Variants in CHIC2 observed in about 807,000 individuals in gnomAD.
CHIC2 encodes the protein cysteine-rich hydrophobic domain-containing protein 2.
Under a neutral mutation model 25.9 loss-of-function variants are expected in CHIC2, and 14 were observed. The ratio of observed to expected loss-of-function variants is 0.54; its 90% confidence interval spans 0.36 to 0.85. The LOEUF (loss-of-function observed/expected upper bound fraction) is 0.85, where lower values mean the gene tolerates loss of function less well. Among genes scored for constraint, CHIC2 ranks in the 40% least tolerant of loss-of-function variants. CHIC2 has a pLI of 0.01. For missense variants in CHIC2, 146 were observed against 202.0 expected (o/e 0.72, Z 1.68); for synonymous variants, 70 against 72.0 (o/e 0.97, Z 0.14).
At chr4:54,012,126 T>A (rs1439878137) in intron 5 of CHIC2, among the ~76,000 whole-genome samples, 1 of 152,020 alleles carries the variant, frequency 6.6e-6, no homozygotes, top group Admixed American at 6.6e-5. Flanking sequence ...TATTATTATT[T>A]TTTTTAAAGA....
upstream of CHIC2, among the ~76,000 whole-genome samples, chr4:54,067,898 T>C (rs1218082731): frequency 6.6e-6 from 1 of 151,312 alleles, no homozygotes; most frequent in Non-Finnish European, 1.5e-5. Context: ...AGATCGTGCA[T>C]GTACTATGGA....
the CHIC2 span, among the ~76,000 whole-genome samples, chr4:54,077,321 T>G: frequency 2.0e-5 from 3 of 152,214 alleles, no homozygotes; most frequent in Non-Finnish European, 4.4e-5. Context: ...TGGATTATGT[T>G]CTCAGCACCG....
At chr4:54,030,734 C>A (rs1716205031) in intron 3 of CHIC2, among the ~76,000 whole-genome samples, 1 of 144,966 alleles carries the variant, frequency 6.9e-6, no homozygotes, top group African/African-American at 2.6e-5. Flanking sequence ...ATGGCACGAT[C>A]TCGGCTCACT....
chr4:54,064,089 C>T lies in CHIC2; in HGVS notation c.119+93G>A. 1 of 1,113,004 alleles carries T rather than the reference C, an allele frequency of 9.0e-7. No individual in the cohort carries two copies. Among genetic ancestry groups the T allele is most frequent in the Non-Finnish European group, 1.3e-6 (1 of 770,280 alleles). 68.9% of individuals were successfully genotyped at this position (1,113,004 alleles called of 1,614,324 possible). A position where few individuals can be genotyped will look rare whatever the true frequency, so the allele number is the denominator to read the frequency against. Reference sequence around the variant, plus strand: ...GCCTACTCTTTCGGAAGGCCCCCGACACCAGACGGACACAGGGGAAACGGG... The same window carrying T: ...GCCTACTCTTTCGGAAGGCCCCCGATACCAGACGGACACAGGGGAAACGGG... On this transcript the variant is annotated intron_variant, in intron 1 of 5. Transcript: ENST00000263921. The surrounding 1 kb of genome is among the most constrained non-coding windows in gnomAD (Gnocchi z 4.2).
At chr4:54,068,262 G>C (rs909974418), upstream of CHIC2, among the ~76,000 whole-genome samples, 5 of 152,072 alleles carry the variant, frequency 3.3e-5, no homozygotes, top group African/African-American at 1.2e-4. Flanking sequence ...AGCCCTCAAG[G>C]TGATGGTATT....
upstream of CHIC2, among the ~76,000 whole-genome samples, chr4:54,066,690 A>G (rs1717527949): frequency 6.7e-6 from 1 of 149,628 alleles, no homozygotes; most frequent in Non-Finnish European, 1.5e-5. Context: ...CAGTGGCACC[A>G]TCATAGCTCA....
chr4:54,084,911 G>A, the CHIC2 span, among the ~76,000 whole-genome samples: 1 of 143,502 alleles, frequency 7.0e-6, no homozygotes, highest in Non-Finnish European at 1.5e-5. Context: ...AATGAGCCAA[G>A]GTTTCACCAC....
At chr4:54,085,887 C>A in the CHIC2 span, among the ~76,000 whole-genome samples, 2 of 151,960 alleles carry the variant, frequency 1.3e-5, no homozygotes, top group African/African-American at 4.8e-5. Context: ...AAGTCTAAAT[C>A]CAGGATCTGA....
chr4:54,043,855 T>A (rs1250720398), intron 3 of CHIC2, among the ~76,000 whole-genome samples: 4 of 152,136 alleles, frequency 2.6e-5, no homozygotes, highest in Non-Finnish European at 5.9e-5. Context: ...AGGCACAGAC[T>A]GGCAAACTGG....
At position 54,038,063 on chromosome 4, in the gene CHIC2, GA is replaced by G. The variant is rs774251747; in HGVS notation, c.330+10891del. Among the ~76,000 whole-genome samples the G allele has an allele frequency of 8.5e-5, 13 of 152,076 alleles. No homozygotes were observed. In the East Asian group the frequency reaches 1.7e-3, roughly 20 times the overall value. On this transcript the variant is annotated intron_variant, in intron 3 of 5. Coordinates refer to ENST00000263921, the MANE Select transcript of CHIC2 (RefSeq NM_012110.4). ...GAAGTGAAAACAGAAAAACAACACA[GA>G]AAATCAAGAATAAAGCAAGGAGTTT...
chr4:54,029,990 T>C (rs1002363618), intron 3 of CHIC2, among the ~76,000 whole-genome samples: 2 of 152,140 alleles, frequency 1.3e-5, no homozygotes, highest in African/African-American at 4.8e-5. Flanking sequence ...GTCACAATTA[T>C]TGGATAACTA....
chr4:54,043,799 A>G (rs562806631), intron 3 of CHIC2, among the ~76,000 whole-genome samples: 1 of 152,332 alleles, frequency 6.6e-6, no homozygotes, highest in Admixed American at 6.5e-5. Context: ...ATTCACACAT[A>G]ACAATAATAA....
intron 1 of CHIC2, among the ~76,000 whole-genome samples, chr4:54,058,313 A>G (rs2110092557): frequency 6.6e-6 from 1 of 152,300 alleles, no homozygotes; most frequent in African/African-American, 2.4e-5. Flanking sequence ...TCTCTTTCGC[A>G]GATGAAAAAA....
chr4:54,071,319 G>C, the CHIC2 span, among the ~76,000 whole-genome samples: 1 of 152,210 alleles, frequency 6.6e-6, no homozygotes, highest in African/African-American at 2.4e-5. Flanking sequence ...TGGATTTTTA[G>C]ATTAGGGATA....
At chr4:54,070,410 G>T in the CHIC2 span, among the ~76,000 whole-genome samples, 219 of 77,912 alleles carry the variant, frequency 2.8e-3, 1 homozygote, top group East Asian at 0.025. Context: ...ATTTATTTAT[G>T]TATTTATGTA....
chr4:54,034,887 C>T (rs1716337517), intron 3 of CHIC2, among the ~76,000 whole-genome samples: 2 of 152,112 alleles, frequency 1.3e-5, no homozygotes, highest in South Asian at 2.1e-4. Flanking sequence ...TGTAGATGTC[C>T]TTTATCAGCT....
At chr4:54,029,045 C>T (rs1716143328) in intron 3 of CHIC2, among the ~76,000 whole-genome samples, 1 of 151,564 alleles carries the variant, frequency 6.6e-6, no homozygotes, top group African/African-American at 2.4e-5. Context: ...ATCACTCGAA[C>T]TGGGGAGGTG....
the CHIC2 span, among the ~76,000 whole-genome samples, chr4:54,091,413 G>T: frequency 7.2e-5 from 11 of 151,942 alleles, no homozygotes; most frequent in East Asian, 2.0e-3. Context: ...CTCTCTCTAC[G>T]CACGTTCTCA....
At chr4:54,012,838 T>C (rs142371317) in intron 5 of CHIC2, among the ~76,000 whole-genome samples, 3 of 152,230 alleles carry the variant, frequency 2.0e-5, no homozygotes, top group African/African-American at 7.2e-5. Flanking sequence ...TTTTTTATGT[T>C]CAAGGCTAGA....
Sources: allele counts gnomAD v4.1 joint callset (sites outside exome capture counted in the v4.1 genomes callset), GRCh38; gene constraint gnomAD v4.1.1; non-coding constraint Gnocchi (gnomAD v3.1); transcripts MANE v1.5; gene names NCBI Gene and HGNC (gene_info 2026-07-23, HGNC 2026-07-21).